SYNPO: variants seen among roughly 807,000 people sequenced by gnomAD.
SYNPO encodes the protein synaptopodin.
A neutral mutation model predicts 49.5 loss-of-function variants in SYNPO; 19 were observed. The ratio of observed to expected loss-of-function variants is 0.38; its 90% CI spans 0.27 to 0.56. The LOEUF is 0.56. Ranked by LOEUF, SYNPO falls within the 20% of genes least tolerant of loss-of-function variation. The pLI is 0.68. For missense variants in SYNPO, 1,131 were observed against 1,248.3 expected, an observed-to-expected ratio of 0.91 and a Z score of 1.42; for synonymous variants, 536 against 548.0, an observed-to-expected ratio of 0.98 and a Z score of 0.31.
rs1056079927 is a variant in SYNPO at position 150,605,751 on chromosome 5, CACACACAT to C, written c.-266+4571_-266+4578del. 1.7e-3 allele frequency among the ~76,000 whole-genome samples: 217 copies of C among 126,050 alleles called. 3 individuals are homozygous for C. The highest frequency in any genetic ancestry group is 0.016 in the East Asian group (70 of 4,326). 82.7% of individuals were successfully genotyped at this position (126,050 alleles called of 152,430 possible). ...AGACTCCAACCACCCCCACCACACA[CACACACAT>C]ACACACACACACACACACACACACA... On this transcript the variant is annotated intron_variant, in intron 1 of 2. Transcript: ENST00000394243.
chr5:150,652,325 A>C (rs1483244410), intron 2 of SYNPO: 1 of 991,294 alleles, frequency 1.0e-6, no homozygotes, highest in East Asian at 1.1e-4. Flanking sequence ...TTCTCAATAC[A>C]CTCTGCCTCA....
chr5:150,588,318 G>T, the SYNPO span, among the ~76,000 whole-genome samples: 1 of 152,130 alleles, frequency 6.6e-6, no homozygotes, highest in African/African-American at 2.4e-5. Context: ...TGTTATAAAA[G>T]GGCCCTTAGT....
At chr5:150,643,267 T>C (rs1757973166) in intron 1 of SYNPO, among the ~76,000 whole-genome samples, 1 of 152,236 alleles carries the variant, frequency 6.6e-6, no homozygotes, top group Non-Finnish European at 1.5e-5. Flanking sequence ...GCAGCTCACT[T>C]TACCTCTCTG....
the SYNPO span, among the ~76,000 whole-genome samples, chr5:150,590,891 C>A: frequency 6.6e-6 from 1 of 152,154 alleles, no homozygotes; most frequent in South Asian, 2.1e-4. Flanking sequence ...TGCTGCTATA[C>A]CTCCCCGTCC....
intron 1 of SYNPO, among the ~76,000 whole-genome samples, chr5:150,608,201 C>T (rs139849875): frequency 2.0e-5 from 3 of 152,008 alleles, no homozygotes; most frequent in African/African-American, 7.2e-5. Flanking sequence ...TTGGCATAAA[C>T]TGTGCACTGA....
At chr5:150,593,341 C>A in the SYNPO span, among the ~76,000 whole-genome samples, 3 of 152,214 alleles carry the variant, frequency 2.0e-5, no homozygotes, top group Non-Finnish European at 4.4e-5. Flanking sequence ...GCAGGCAGAG[C>A]CCCGGAGACC....
At chr5:150,623,676 G>A (rs902471415) in intron 2 of SYNPO, among the ~76,000 whole-genome samples, 11 of 152,308 alleles carry the variant, frequency 7.2e-5, no homozygotes, top group Middle Eastern at 6.8e-3. Context: ...TGTGAACAGG[G>A]GACATCCCAA....
At chr5:150,620,956 T>C (rs1757151654) in intron 2 of SYNPO, among the ~76,000 whole-genome samples, 1 of 126,168 alleles carries the variant, frequency 7.9e-6, no homozygotes, top group African/African-American at 3.5e-5. Context: ...TTTTCTTTTC[T>C]TTTTTTTTTT....
At chr5:150,589,774 T>C in the SYNPO span, among the ~76,000 whole-genome samples, 1 of 152,244 alleles carries the variant, frequency 6.6e-6, no homozygotes, top group Non-Finnish European at 1.5e-5. Flanking sequence ...AGGTCTGAGA[T>C]GGACTAAAGT....
rs1758179973 is a variant in SYNPO, at chr5:150,648,223, C to A, written c.-53C>A. 1 of 1,610,400 alleles carries A rather than the reference C, an allele frequency of 6.2e-7. No homozygotes were observed. On this transcript the variant is annotated 5_prime_UTR_variant, in exon 2 of 3. Transcript: ENST00000307662. The surrounding 1 kb of genome is among the most constrained non-coding windows in gnomAD (Gnocchi z 5.0). Reference sequence around the variant, plus strand: ...TCCACCTCGCTGCCGGAGCCAGGCCCTCCACGGCACCCCAGTCCCCAGAGC... The same window carrying A: ...TCCACCTCGCTGCCGGAGCCAGGCCATCCACGGCACCCCAGTCCCCAGAGC...
intron 2 of SYNPO, chr5:150,654,352 G>GCACA (rs57174542): frequency 0.051 from 7,576 of 147,568 alleles, 187 homozygotes; most frequent in Non-Finnish European, 0.065. Context: ...CCTTTGAGCA[G>GCACA]CACACACACA....
chr5:150,620,273 G>T (rs1473170647), intron 2 of SYNPO, among the ~76,000 whole-genome samples: 1 of 152,198 alleles, frequency 6.6e-6, no homozygotes, highest in African/African-American at 2.4e-5. Context: ...AGGTATGTAA[G>T]AAACGTTTAT....
intron 1 of SYNPO, among the ~76,000 whole-genome samples, chr5:150,645,098 G>A (rs538566403): frequency 6.6e-6 from 1 of 152,260 alleles, no homozygotes; most frequent in Admixed American, 6.5e-5. Flanking sequence ...GGGGTCACCC[G>A]GCTCTACCCT....
chr5:150,617,068 C>T (rs1024702180), intron 1 of SYNPO, among the ~76,000 whole-genome samples: 1 of 152,114 alleles, frequency 6.6e-6, no homozygotes, highest in African/African-American at 2.4e-5. Context: ...GAACAGCCAA[C>T]ATGTATTAAG....
chr5:150,586,902 G>A, the SYNPO span, among the ~76,000 whole-genome samples: 1 of 151,978 alleles, frequency 6.6e-6, no homozygotes, highest in Non-Finnish European at 1.5e-5. Context: ...GTGGATTCAT[G>A]GATAGTTATA....
chr5:150,595,166 G>T, the SYNPO span, among the ~76,000 whole-genome samples: 4 of 152,158 alleles, frequency 2.6e-5, no homozygotes, highest in Non-Finnish European at 5.9e-5. Flanking sequence ...AGCTTTACCT[G>T]GGGATTAAGC....
At chr5:150,639,631 T>G (rs1465878463), upstream of SYNPO, among the ~76,000 whole-genome samples, 1 of 152,184 alleles carries the variant, frequency 6.6e-6, no homozygotes, top group Non-Finnish European at 1.5e-5. Flanking sequence ...ATCTTCCTTA[T>G]CTACAAAATG....
chr5:150,606,419 C>T (rs1756694557), intron 1 of SYNPO, among the ~76,000 whole-genome samples: 1 of 152,216 alleles, frequency 6.6e-6, no homozygotes, highest in Non-Finnish European at 1.5e-5. Flanking sequence ...GTGAGGTGGG[C>T]ACTGTGATTA....
intron 2 of SYNPO, among the ~76,000 whole-genome samples, chr5:150,620,541 C>T (rs980303029): frequency 1.3e-5 from 2 of 152,142 alleles, no homozygotes; most frequent in East Asian, 1.9e-4. Context: ...TTTTTGAACA[C>T]GAGGCTTGTG....
Sources: gnomAD v4.1 joint callset for allele counts (sites outside exome capture counted in the v4.1 genomes callset) on GRCh38, gnomAD v4.1.1 for gene constraint, Gnocchi (gnomAD v3.1) non-coding constraint, MANE v1.5 for transcripts, NCBI Gene and HGNC (gene_info 2026-07-23, HGNC 2026-07-21) for gene names.